The following ETS1 variants were observed in gnomAD, a reference collection of about 807,000 sequenced individuals.
ETS1 encodes protein C-ets-1.
ETS1 carries 15 observed loss-of-function variants against 58.6 expected under a neutral mutation model. The observed-to-expected ratio is 0.26, with a 90% confidence interval of 0.17 to 0.39. The LOEUF (loss-of-function observed/expected upper bound fraction) is 0.39, where lower values mean the gene tolerates loss of function less well. ETS1 is among the 10% of genes least tolerant of loss of function. The pLI, the probability that ETS1 is intolerant of heterozygous loss-of-function variation, is 1.00. For missense variants in ETS1, 417 were observed against 610.5 expected (o/e 0.68, Z 3.34); for synonymous variants, 214 against 218.2 (o/e 0.98, Z 0.17).
intron 3 of ETS1, among the ~76,000 whole-genome samples, chr11:128,513,819 A>G (rs748680408): frequency 5.3e-5 from 8 of 152,222 alleles, no homozygotes; most frequent in Non-Finnish European, 1.2e-4. Flanking sequence ...TAGGAGGCCA[A>G]GGTGGAAAGA....
chr11:128,514,949 C>T (rs1208749504), intron 3 of ETS1, among the ~76,000 whole-genome samples: 1 of 152,092 alleles, frequency 6.6e-6, no homozygotes, highest in Non-Finnish European at 1.5e-5. Flanking sequence ...TACTTTCTTA[C>T]TCTTCCTGTC....
At chr11:128,554,428 A>G (rs918331852) in intron 3 of ETS1, among the ~76,000 whole-genome samples, 1 of 152,202 alleles carries the variant, frequency 6.6e-6, no homozygotes, top group African/African-American at 2.4e-5. Context: ...TATGAGAAGA[A>G]GATGATATTA....
chr11:128,508,220 A>G (rs1863294881), intron 3 of ETS1, among the ~76,000 whole-genome samples: 1 of 152,210 alleles, frequency 6.6e-6, no homozygotes, highest in South Asian at 2.1e-4. Context: ...GACAGCAGCA[A>G]TGAACTTTTG....
At position 128,460,094 on chromosome 11, in the gene ETS1, AC is replaced by A. The variant is rs2135403633; in HGVS notation, c.*2266del. 2.3e-5 allele frequency: 1 copy of A among 44,376 alleles called. No individual in the cohort carries two copies. The highest frequency in any genetic ancestry group is 9.7e-4 in the East Asian group (1 of 1,032). The allele number at this position is 44,376 out of a possible 1,614,324, so 2.7% of individuals were successfully genotyped here. A position where few individuals can be genotyped will look rare whatever the true frequency, so the allele number is the denominator to read the frequency against. On this transcript the variant is annotated 3_prime_UTR_variant, in exon 10 of 10. Transcript: ENST00000392668. ...CAAACACACACACACACACACACACACACACACACACACACACACACAACAT... is the reference window on the plus strand; with the variant it reads ...CAAACACACACACACACACACACACAACACACACACACACACACACAACAT...
At chr11:128,539,416 A>G (rs1864021431) in intron 3 of ETS1, among the ~76,000 whole-genome samples, 1 of 152,390 alleles carries the variant, frequency 6.6e-6, no homozygotes, top group Non-Finnish European at 1.5e-5. Context: ...CAAAGAAGGT[A>G]TAAGAATGAC....
intron 1 of ETS1, among the ~76,000 whole-genome samples, chr11:128,577,712 T>C (rs950240473): frequency 1.3e-5 from 2 of 152,172 alleles, no homozygotes; most frequent in Admixed American, 6.5e-5. Flanking sequence ...AAGATGCTTC[T>C]CTAGACCTTT....
Position 128,485,070 on chromosome 11 carries a change from G to A in ETS1, c.615C>T (p.Ser205=), listed in dbSNP as rs138392093. The change falls in exon 7 of 10, where the codon AGC becomes AGT. Residue 205 remains serine, a splice_region_variant and synonymous_variant. Coordinates refer to ENST00000392668, the MANE Select transcript of ETS1 (RefSeq NM_001143820.2). ...CACACTGGGCATGCTCAATACCATA[G>A]CCTGGAAACAAAGGGTTTGCAAGTA... ...ESRYTSDYFI[S]YGIEHAQCVP... 3.4e-5 allele frequency: 55 copies of A among 1,608,982 alleles called. No individual in the cohort carries two copies. In the African/African-American group the frequency reaches 6.0e-4, roughly 18 times the overall value.
intron 3 of ETS1, among the ~76,000 whole-genome samples, chr11:128,508,668 A>G (rs1171523153): frequency 6.6e-6 from 1 of 152,246 alleles, no homozygotes; most frequent in African/African-American, 2.4e-5. Flanking sequence ...ATCATGGTAA[A>G]AAGCCTGTGG....
chr11:128,536,461 C>T (rs933312451), intron 3 of ETS1: 9 of 152,126 alleles, frequency 5.9e-5, no homozygotes, highest in Admixed American at 2.0e-4. Flanking sequence ...AAATATGTAT[C>T]ATAAATGAAC....
intron 2 of ETS1, among the ~76,000 whole-genome samples, chr11:128,569,124 CT>C: frequency 6.6e-6 from 1 of 152,188 alleles, no homozygotes; most frequent in Admixed American, 6.5e-5. Flanking sequence ...GTCTGGTGTA[CT>C]AAAAGATGTT....
chr11:128,558,853 C>T (rs1864359228), intron 2 of ETS1, among the ~76,000 whole-genome samples: 1 of 152,172 alleles, frequency 6.6e-6, no homozygotes, highest in African/African-American at 2.4e-5. Context: ...TGAATCAGTT[C>T]AAAACACACT....
chr11:128,575,856 C>T (rs192858244), intron 1 of ETS1, among the ~76,000 whole-genome samples: 6 of 152,216 alleles, frequency 3.9e-5, no homozygotes, highest in Admixed American at 6.5e-5. Context: ...ATTTTACTTA[C>T]GTATTTCTAA....
chr11:128,548,142 G>A (rs7934548), intron 3 of ETS1, among the ~76,000 whole-genome samples: 108 of 42,332 alleles, frequency 2.6e-3, no homozygotes, highest in East Asian at 0.015. Flanking sequence ...AAAGGGAAGG[G>A]AAGGGAAGGG....
In ETS1 at chr11:128,463,944, T is replaced by C. The variant is rs187392072; in HGVS notation, c.1124-317A>G. On this transcript the variant is annotated intron_variant, in intron 8 of 9. Coordinates refer to ENST00000392668, the MANE Select transcript of ETS1 (RefSeq NM_001143820.2). This position sits in a 1 kb window ranked among gnomAD's most constrained non-coding sequence, Gnocchi z 4.1. ...ACTGTGCCTATCCTCTGGGATATTC[T>C]AAGGCAGCATAATCTTTTACACCTG... The C allele has an allele frequency of 6.3e-4, 118 of 188,796 alleles. 1 individual carries two copies. The East Asian group carries it at 0.016, about 26-fold the overall frequency. The allele number at this position is 188,796 out of a possible 1,614,324, so 11.7% of individuals were successfully genotyped here. A position where few individuals can be genotyped will look rare whatever the true frequency, so the allele number is the denominator to read the frequency against.
intron 3 of ETS1, among the ~76,000 whole-genome samples, chr11:128,541,694 A>C (rs1864060297): frequency 6.6e-6 from 1 of 152,152 alleles, no homozygotes; most frequent in Non-Finnish European, 1.5e-5. Flanking sequence ...TAATTTAATA[A>C]CCTGGTTTGA....
At chr11:128,564,827 G>A (rs1327072353) in intron 2 of ETS1, among the ~76,000 whole-genome samples, 2 of 152,028 alleles carry the variant, frequency 1.3e-5, no homozygotes, top group Non-Finnish European at 2.9e-5. Flanking sequence ...TCAAAACCTG[G>A]TTATGGACAC....
chr11:128,585,091 GAAAGAAAGA>G (rs1864975015), intron 1 of ETS1, among the ~76,000 whole-genome samples: 1 of 18,630 alleles, frequency 5.4e-5, no homozygotes, highest in Non-Finnish European at 9.7e-5. Flanking sequence ...AGAAAGAAAG[GAAAGAAAGA>G]AAGGAAGGAA....
At chr11:128,580,413 G>A (rs752188033) in intron 1 of ETS1, among the ~76,000 whole-genome samples, 7 of 152,124 alleles carry the variant, frequency 4.6e-5, no homozygotes, top group Non-Finnish European at 8.8e-5. Context: ...ACCTGTCACT[G>A]TAACAAAAGC....
chr11:128,539,758 G>A (rs1340699947), intron 3 of ETS1, among the ~76,000 whole-genome samples: 3 of 152,142 alleles, frequency 2.0e-5, no homozygotes, highest in African/African-American at 4.8e-5. Context: ...AATAAAATGT[G>A]CCATGGCCAT....
Sources: gnomAD v4.1 joint callset for allele counts (sites outside exome capture counted in the v4.1 genomes callset) on GRCh38, gnomAD v4.1.1 for gene constraint, Gnocchi (gnomAD v3.1) non-coding constraint, MANE v1.5 for transcripts, NCBI Gene and HGNC (gene_info 2026-07-23, HGNC 2026-07-21) for gene names.